The following SLC8A1 variants were observed in gnomAD, a reference collection of about 807,000 sequenced individuals.
The protein encoded by SLC8A1 is solute carrier family 8 member A1, also known as sodium/calcium exchanger 1.
Under a neutral mutation model 68.3 loss-of-function variants are expected in SLC8A1, and 18 were observed. The observed-to-expected ratio is 0.26, with a 90% confidence interval of 0.18 to 0.39. The LOEUF is 0.39. Ranked by LOEUF, SLC8A1 falls within the 10% of genes least tolerant of loss-of-function variation. The pLI is 1.00. For synonymous variants in SLC8A1, 475 were observed against 415.5 expected, an observed-to-expected ratio of 1.14 and a Z score of -1.74; for missense variants, 985 against 1,156.7, an observed-to-expected ratio of 0.85 and a Z score of 2.15.
intron 1 of SLC8A1, among the ~76,000 whole-genome samples, chr2:40,472,258 C>G (rs565368403): frequency 3.3e-4 from 51 of 152,300 alleles, no homozygotes; most frequent in Non-Finnish European, 4.6e-4. Flanking sequence ...TTCTATGTCT[C>G]AAATTATTCC....
At chr2:40,197,064 T>C (rs551023152) in intron 2 of SLC8A1, among the ~76,000 whole-genome samples, 1 of 152,194 alleles carries the variant, frequency 6.6e-6, no homozygotes, top group South Asian at 2.1e-4. Context: ...CCTGTTCATA[T>C]CCCACACATC....
At chr2:40,358,048 GAAAAAAA>G (rs776231355) in intron 2 of SLC8A1, among the ~76,000 whole-genome samples, 7 of 77,740 alleles carry the variant, frequency 9.0e-5, no homozygotes, top group South Asian at 4.8e-4. Context: ...GCAACTGAAG[GAAAAAAA>G]AAAAAAAAAA....
In SLC8A1 at chr2:40,358,048, GAA is replaced by G. The variant is rs776231355; in HGVS notation, c.1808+70423_1808+70424del. Among the ~76,000 whole-genome samples, 45 of 77,728 alleles carry G rather than the reference GAA, an allele frequency of 5.8e-4. 1 individual carries two copies. The highest frequency in any genetic ancestry group is 1.4e-3 in the African/African-American group (27 of 19,516). 51.0% of individuals were successfully genotyped at this position (77,728 alleles called of 152,430 possible). ...TGCCAAACAATACATGCAACTGAAG[GAA>G]AAAAAAAAAAAAAAAAAAAAAGGTG... is the stretch of plus-strand genomic sequence containing the variant. On this transcript the variant is annotated intron_variant, in intron 2 of 7. Coordinates refer to ENST00000406785, the Ensembl canonical transcript of SLC8A1.
At chr2:40,346,593 T>C (rs113181892) in intron 2 of SLC8A1, among the ~76,000 whole-genome samples, 34 of 151,906 alleles carry the variant, frequency 2.2e-4, no homozygotes, top group African/African-American at 7.3e-4. Context: ...CACAAGAGCT[T>C]GTTCTCTAAT....
At chr2:40,272,020 C>A (rs998852723) in intron 2 of SLC8A1, among the ~76,000 whole-genome samples, 1 of 151,982 alleles carries the variant, frequency 6.6e-6, no homozygotes, top group African/African-American at 2.4e-5. Flanking sequence ...GCATGTACCA[C>A]CATGCCTGGC....
intron 2 of SLC8A1, chr2:40,220,190 A>C (rs1389647896): frequency 1.3e-5 from 2 of 151,890 alleles, no homozygotes; most frequent in Non-Finnish European, 2.9e-5. Context: ...AGAAAGAGAC[A>C]AAGGAAAAGG....
intron 1 of SLC8A1, among the ~76,000 whole-genome samples, chr2:40,448,987 T>G (rs1701942318): frequency 6.6e-6 from 1 of 152,006 alleles, no homozygotes; most frequent in Admixed American, 6.6e-5. Flanking sequence ...TAACAGCCTC[T>G]TCTAGAGGCT....
intron 2 of SLC8A1, among the ~76,000 whole-genome samples, chr2:40,380,863 G>C (rs1681519919): frequency 1.3e-5 from 2 of 152,176 alleles, no homozygotes; most frequent in South Asian, 4.1e-4. Context: ...CAGGGAATGT[G>C]CTACTTTTCA....
upstream of SLC8A1, chr2:40,452,075 G>A (rs1401928796): frequency 1.3e-5 from 2 of 150,268 alleles, no homozygotes; most frequent in African/African-American, 2.4e-5. Context: ...GCGCCGGCGC[G>A]AGCGGGAGCC....
At chr2:40,227,329 G>A (rs1449071272) in intron 2 of SLC8A1, among the ~76,000 whole-genome samples, 1 of 151,960 alleles carries the variant, frequency 6.6e-6, no homozygotes, top group Non-Finnish European at 1.5e-5. Context: ...GATTGAATGA[G>A]TACCACACTC....
At chr2:40,275,772 A>C (rs1437279800) in intron 2 of SLC8A1, among the ~76,000 whole-genome samples, 1 of 152,166 alleles carries the variant, frequency 6.6e-6, no homozygotes, top group Admixed American at 6.5e-5. Context: ...AAAATACTAT[A>C]ATGAGGCAGG....
At chr2:40,499,183 A>G (rs1705895907) in intron 1 of SLC8A1, among the ~76,000 whole-genome samples, 1 of 150,310 alleles carries the variant, frequency 6.7e-6, no homozygotes, top group East Asian at 2.4e-4. Context: ...GGACAAAAAG[A>G]AGATACTTTT....
At chr2:40,124,853 G>C (rs1226463180) in intron 7 of SLC8A1, among the ~76,000 whole-genome samples, 1 of 152,198 alleles carries the variant, frequency 6.6e-6, no homozygotes, top group African/African-American at 2.4e-5. Context: ...TGCTTTGTGA[G>C]AAAGCAGGTT....
At chr2:40,153,291 A>G (rs1304476426) in intron 6 of SLC8A1, among the ~76,000 whole-genome samples, 1 of 152,202 alleles carries the variant, frequency 6.6e-6, no homozygotes, top group African/African-American at 2.4e-5. Flanking sequence ...TCACAAGGTC[A>G]TCTCTTCTAA....
exon 8 of SLC8A1, chr2:40,099,161 G>C (rs914841044): frequency 7.9e-5 from 12 of 152,032 alleles, no homozygotes; most frequent in Admixed American, 3.9e-4. Flanking sequence ...TCAGCAAAGA[G>C]AGTATGTATA....
intron 2 of SLC8A1, among the ~76,000 whole-genome samples, chr2:40,403,056 T>C (rs1355024288): frequency 6.6e-6 from 1 of 152,230 alleles, no homozygotes; most frequent in Non-Finnish European, 1.5e-5. Flanking sequence ...ATGTATAAGA[T>C]GTAGGCTATA....
chr2:40,432,369 A>G (rs1698510708), intron 1 of SLC8A1, among the ~76,000 whole-genome samples: 1 of 148,008 alleles, frequency 6.8e-6, no homozygotes, highest in Non-Finnish European at 1.5e-5. Context: ...GTGTGTGCAG[A>G]ACAATCTATA....
chr2:40,485,254 C>T (rs1704887376), intron 1 of SLC8A1, among the ~76,000 whole-genome samples: 1 of 150,984 alleles, frequency 6.6e-6, no homozygotes, highest in South Asian at 2.1e-4. Flanking sequence ...TATATGGAAC[C>T]GGACATTCTG....
chr2:40,433,757 G>GGT (rs1475090644), intron 1 of SLC8A1, among the ~76,000 whole-genome samples: 1 of 152,120 alleles, frequency 6.6e-6, no homozygotes, highest in African/African-American at 2.4e-5. Flanking sequence ...ATAACTAACT[G>GGT]CTCCATTATA....
Sources: allele counts gnomAD v4.1 joint callset (sites outside exome capture counted in the v4.1 genomes callset), GRCh38; gene constraint gnomAD v4.1.1; transcripts MANE v1.5; gene names NCBI Gene and HGNC (gene_info 2026-07-23, HGNC 2026-07-21).